SERPINE2: variants seen among roughly 807,000 people sequenced by gnomAD.
SERPINE2 encodes the protein glia-derived nexin.
In SERPINE2, 14 loss-of-function variants were observed where a neutral mutation model predicts 36.3. The ratio of observed to expected loss-of-function variants is 0.39; its 90% CI spans 0.25 to 0.60. The LOEUF (loss-of-function observed/expected upper bound fraction) is 0.60. Ranked by LOEUF, SERPINE2 falls within the 20% of genes least tolerant of loss-of-function variation. The pLI, the probability that SERPINE2 is intolerant of heterozygous loss-of-function variation, is 0.57. For synonymous variants in SERPINE2, 192 were observed against 191.8 expected (o/e 1.00, Z -0.01); for missense variants, 418 against 499.6 (o/e 0.84, Z 1.56).
At position 223,998,305 on chromosome 2, in the gene SERPINE2, G is replaced by C. The variant is rs374860468; in HGVS notation, c.297C>G (p.Ile99Met). 3.1e-6 allele frequency: 5 copies of C among 1,613,744 alleles called. No homozygotes were observed. Among genetic ancestry groups the C allele is most frequent in the Non-Finnish European group, 4.2e-6 (5 of 1,179,742 alleles). Residue 99 changes from isoleucine (I) to methionine (M), a missense_variant, in exon 3 of 9, where the codon ATC (isoleucine) becomes ATG (methionine). Ile to Met is a conservative substitution (Grantham distance 10, BLOSUM62 1). Transcript: ENST00000409304. Reference protein sequence around the residue: ...GKILKKINKAIVSKKNKDIVT... With the variant: ...GKILKKINKAMVSKKNKDIVT... The stretch of plus-strand genomic sequence containing the variant: ...CAATGTCTTTATTCTTCTTGGAGAC[G>C]ATGGCCTTGTTGATCTTCTTTAATA...
chr2:224,023,431 A>G (rs569003546), intron 1 of SERPINE2, among the ~76,000 whole-genome samples: 1 of 152,218 alleles, frequency 6.6e-6, no homozygotes, highest in Non-Finnish European at 1.5e-5. Flanking sequence ...TCCCTTTGGC[A>G]ACAGACACTA....
At chr2:223,978,584 A>G (rs961469041) in intron 7 of SERPINE2, 1 of 152,178 alleles carries the variant, frequency 6.6e-6, no homozygotes, top group African/African-American at 2.4e-5. Flanking sequence ...TTTCCATTTA[A>G]TAAGCCTGAA....
At chr2:223,999,682 G>T (rs1691033636) in intron 2 of SERPINE2, among the ~76,000 whole-genome samples, 1 of 152,346 alleles carries the variant, frequency 6.6e-6, no homozygotes, top group East Asian at 1.9e-4. Flanking sequence ...CCCTTTTGGG[G>T]TAGGGGTGAG....
At chr2:224,009,295 C>G (rs1367004457) in intron 1 of SERPINE2, among the ~76,000 whole-genome samples, 1 of 152,156 alleles carries the variant, frequency 6.6e-6, no homozygotes, top group Non-Finnish European at 1.5e-5. Flanking sequence ...ACCTAAGGCC[C>G]CTTATTAATC....
At chr2:224,005,591 CAT>C (rs1354436236) in intron 1 of SERPINE2, among the ~76,000 whole-genome samples, 2 of 152,256 alleles carry the variant, frequency 1.3e-5, no homozygotes, top group African/African-American at 4.8e-5. Flanking sequence ...GAAACACACT[CAT>C]GTCCAAATAG....
chr2:224,012,884 T>C (rs78850741), intron 1 of SERPINE2, among the ~76,000 whole-genome samples: 2,360 of 152,262 alleles, frequency 0.015, 53 homozygotes, highest in African/African-American at 0.053. Context: ...CATAAAACTT[T>C]AATAAAAATG....
intron 3 of SERPINE2, among the ~76,000 whole-genome samples, chr2:223,995,607 GTTTT>G (rs869079550): frequency 3.3e-5 from 5 of 150,940 alleles, no homozygotes; most frequent in African/African-American, 1.2e-4. Context: ...GGTGTTTTGG[GTTTT>G]TTGTTTTTGT....
chr2:224,031,518 C>A, intron 1 of SERPINE2: 1 of 985,696 alleles, frequency 1.0e-6, no homozygotes, highest in Non-Finnish European at 1.2e-6. Flanking sequence ...TAGAACCTCC[C>A]TCCTCCGCCC....
At chr2:223,990,627 C>G (rs1387301866) in intron 4 of SERPINE2, among the ~76,000 whole-genome samples, 1 of 151,828 alleles carries the variant, frequency 6.6e-6, no homozygotes, top group Non-Finnish European at 1.5e-5. Flanking sequence ...AAAATAAAAT[C>G]ACTTCATTGA....
intron 1 of SERPINE2, among the ~76,000 whole-genome samples, chr2:224,036,250 G>A (rs932818592): frequency 6.6e-6 from 1 of 151,788 alleles, no homozygotes; most frequent in Non-Finnish European, 1.5e-5. Context: ...AGCACAAAAG[G>A]GATGACAGCG....
At chr2:224,024,576 A>G (rs1366238192) in intron 1 of SERPINE2, among the ~76,000 whole-genome samples, 3 of 152,224 alleles carry the variant, frequency 2.0e-5, no homozygotes, top group Non-Finnish European at 4.4e-5. Context: ...CCTGCCTGCA[A>G]TGGGTAAGTC....
At chr2:223,980,147 A>G (rs33916072) in intron 7 of SERPINE2, 164 bp downstream of exon 7, 237,544 of 553,892 alleles carry the variant, frequency 0.43, 54,708 homozygotes, top group Non-Finnish European at 0.48. Context: ...TTGTGGTTAC[A>G]GGTCTTCAGT....
At chr2:223,980,619 C>T in intron 6 of SERPINE2, 1 of 494,058 alleles carries the variant, frequency 2.0e-6, no homozygotes, top group Non-Finnish European at 3.7e-6. Flanking sequence ...TGGAGAAGGG[C>T]CCAGGCCCTC....
chr2:224,006,983 C>A (rs1574835022), intron 1 of SERPINE2, among the ~76,000 whole-genome samples: 2 of 152,108 alleles, frequency 1.3e-5, no homozygotes, highest in East Asian at 1.9e-4. Context: ...GCTGTGTGAG[C>A]ACCTGTGACG....
intron 1 of SERPINE2, among the ~76,000 whole-genome samples, chr2:224,028,188 C>T (rs1405030312): frequency 2.6e-5 from 4 of 152,174 alleles, no homozygotes; most frequent in South Asian, 2.1e-4. Context: ...GAGTCAAAGA[C>T]GTGAATTCTC....
At chr2:224,031,126 T>A in intron 1 of SERPINE2, 1 of 985,386 alleles carries the variant, frequency 1.0e-6, no homozygotes, top group Non-Finnish European at 1.2e-6. Context: ...GGGATGTAAA[T>A]CTTTGAATAT....
chr2:224,019,899 G>A (rs1046865280), intron 1 of SERPINE2, among the ~76,000 whole-genome samples: 1 of 151,890 alleles, frequency 6.6e-6, no homozygotes, highest in Non-Finnish European at 1.5e-5. Context: ...AGTATTCCTG[G>A]CCTTTACTCA....
At chr2:224,009,406 A>G (rs1309559115) in intron 1 of SERPINE2, among the ~76,000 whole-genome samples, 1 of 152,172 alleles carries the variant, frequency 6.6e-6, no homozygotes, top group African/African-American at 2.4e-5. Context: ...AAAGAAATAA[A>G]TGTACAGGCC....
At chr2:224,021,190 A>G (rs1247871419) in intron 1 of SERPINE2, among the ~76,000 whole-genome samples, 1 of 152,238 alleles carries the variant, frequency 6.6e-6, no homozygotes, top group Non-Finnish European at 1.5e-5. Context: ...CATTCTTGGC[A>G]GTTGATCAAG....
Sources: allele counts gnomAD v4.1 joint callset (sites outside exome capture counted in the v4.1 genomes callset), GRCh38; gene constraint gnomAD v4.1.1; transcripts MANE v1.5; gene names NCBI Gene and HGNC (gene_info 2026-07-23, HGNC 2026-07-21).